HDAC9: variants seen among roughly 807,000 people sequenced by gnomAD.
The protein encoded by HDAC9 is MEF-2 interacting transcription repressor (MITR) protein.
Under a neutral mutation model 139.4 loss-of-function variants are expected in HDAC9, and 41 were observed. The observed-to-expected ratio is 0.29, with a 90% CI of 0.23 to 0.38. The LOEUF (loss-of-function observed/expected upper bound fraction) is 0.38, where lower values mean the gene tolerates loss of function less well. Among genes scored for constraint, HDAC9 ranks in the 10% least tolerant of loss-of-function variants. The pLI, the probability that HDAC9 is intolerant of heterozygous loss-of-function variation, is 1.00. For missense variants in HDAC9, 1,147 were observed against 1,297.0 expected, an observed-to-expected ratio of 0.88 and a Z score of 1.78; for synonymous variants, 517 against 476.2, an observed-to-expected ratio of 1.09 and a Z score of -1.12.
intron 15 of HDAC9, among the ~76,000 whole-genome samples, chr7:18,766,043 G>C (rs1379468959): frequency 2.6e-5 from 4 of 152,054 alleles, no homozygotes; most frequent in African/African-American, 9.7e-5. Context: ...GACAATAAAA[G>C]CTATTTAGAC....
At chr7:18,278,598 G>A (rs1310238784) in intron 2 of HDAC9, among the ~76,000 whole-genome samples, 1 of 152,120 alleles carries the variant, frequency 6.6e-6, no homozygotes, top group African/African-American at 2.4e-5. Context: ...GTTTACATAT[G>A]TCTAAATTTA....
At position 18,522,186 on chromosome 7, in the gene HDAC9, G is replaced by A. The variant is rs530915885; in HGVS notation, c.22+25862G>A. ...AAATCTGTTCATTTATAGAGAGATTGCTTCTCTGTGAATGGCTAAGTTGGC... is the reference window on the plus strand; with the variant it reads ...AAATCTGTTCATTTATAGAGAGATTACTTCTCTGTGAATGGCTAAGTTGGC... On this transcript the variant is annotated intron_variant, in intron 2 of 25. Coordinates refer to ENST00000686413, the MANE Select transcript of HDAC9 (RefSeq NM_178425.4). Among the ~76,000 whole-genome samples, 14 of 152,270 alleles carry A rather than the reference G, an allele frequency of 9.2e-5. No individual in the cohort carries two copies. In the South Asian group the frequency reaches 2.7e-3, roughly 29 times the overall value.
chr7:18,759,878 T>G lies in HDAC9; in HGVS notation c.2044-2279T>G, dbSNP rs184777529. 8.5e-5 allele frequency among the ~76,000 whole-genome samples: 13 copies of G among 152,310 alleles called. No individual in the cohort carries two copies. In the South Asian group the frequency reaches 2.7e-3, roughly 32 times the overall value. On this transcript the variant is annotated intron_variant, in intron 14 of 25. Coordinates refer to ENST00000686413, the MANE Select transcript of HDAC9 (RefSeq NM_178425.4). ...AGAGTGCATGGTATGCAAATTTACA[T>G]GACTAGTGTATGAACACATCAAGAT...
intron 1 of HDAC9, among the ~76,000 whole-genome samples, chr7:18,139,266 C>T (rs927787866): frequency 2.6e-5 from 4 of 151,856 alleles, no homozygotes; most frequent in African/African-American, 7.3e-5. Context: ...GCTGGTACTG[C>T]AGGCATGTGT....
rs1260712606 is a variant in HDAC9, at chr7:18,234,759, A to G, written c.25+72410A>G. Reference sequence around the variant, plus strand: ...AGCTGGGATATAGAGATAGTGGAACAAAATCCCTCCATTTGAGAAACCACA... The same window carrying G: ...AGCTGGGATATAGAGATAGTGGAACGAAATCCCTCCATTTGAGAAACCACA... On this transcript the variant is annotated intron_variant, in intron 2 of 12. Transcript: ENST00000417496. Among the ~76,000 whole-genome samples the G allele has an allele frequency of 8.5e-5, 13 of 152,232 alleles. 1 individual carries two copies. The highest frequency in any genetic ancestry group is 7.2e-4 in the Admixed American group (11 of 15,284).
intron 8 of HDAC9, 149 bp from the exon 9 acceptor site, chr7:18,644,522 G>C: frequency 1.9e-6 from 1 of 523,822 alleles, no homozygotes; most frequent in Non-Finnish European, 3.0e-6. Flanking sequence ...ATTTAAATTT[G>C]ACATTATAAC....
chr7:18,642,875 T>C (rs1347355048), intron 8 of HDAC9, among the ~76,000 whole-genome samples: 6 of 152,110 alleles, frequency 3.9e-5, no homozygotes, highest in Non-Finnish European at 8.8e-5. Flanking sequence ...GTGAGGTCTA[T>C]GGTATTTTTT....
rs10228641 is a variant in HDAC9 at position 18,585,178 on chromosome 7, G to A, written c.23-103G>A. 2.9e-5 allele frequency: 38 copies of A among 1,307,432 alleles called. No homozygotes were observed. In the South Asian group the frequency reaches 3.1e-4, roughly 11 times the overall value. 81.0% of individuals were successfully genotyped at this position (1,307,432 alleles called of 1,614,324 possible). On this transcript the variant is annotated intron_variant, in intron 2 of 25. Transcript: ENST00000686413. ...TAGAGTCATTGGCATAAAATTTGTT[G>A]TACAGGGTCTTATACTTTTTATTTG...
chr7:18,433,055 T>C (rs905708902), intron 1 of HDAC9, among the ~76,000 whole-genome samples: 30 of 152,024 alleles, frequency 2.0e-4, no homozygotes, highest in African/African-American at 7.3e-4. Context: ...CCTGACCAAG[T>C]AGGCTTTATC....
chr7:18,445,018 G>A (rs1180509922), intron 1 of HDAC9, among the ~76,000 whole-genome samples: 3 of 152,136 alleles, frequency 2.0e-5, no homozygotes, highest in Non-Finnish European at 4.4e-5. Flanking sequence ...CTCAAATTAT[G>A]CAAGAGCTTT....
At chr7:18,300,939 A>C (rs1421429806) in intron 1 of HDAC9, among the ~76,000 whole-genome samples, 1 of 152,168 alleles carries the variant, frequency 6.6e-6, no homozygotes, top group Non-Finnish European at 1.5e-5. Flanking sequence ...GGGAGAGCTC[A>C]CACTATTCCT....
intron 1 of HDAC9, among the ~76,000 whole-genome samples, chr7:18,337,394 T>G (rs1352626549): frequency 1.3e-5 from 2 of 151,730 alleles, no homozygotes; most frequent in African/African-American, 4.8e-5. Context: ...ACTACATGGT[T>G]TCATGATATA....
intron 22 of HDAC9, among the ~76,000 whole-genome samples, chr7:18,929,245 T>C (rs950716917): frequency 2.6e-5 from 4 of 152,140 alleles, no homozygotes; most frequent in Admixed American, 2.0e-4. Flanking sequence ...CCAACCCCTA[T>C]AAAGTATCAG....
chr7:18,791,569 A>G (rs1792312163), intron 16 of HDAC9, among the ~76,000 whole-genome samples: 1 of 152,178 alleles, frequency 6.6e-6, no homozygotes, highest in South Asian at 2.1e-4. Context: ...GTCCATTTCA[A>G]TGATTCCTTC....
chr7:18,920,867 T>C (rs1406514758), intron 22 of HDAC9, among the ~76,000 whole-genome samples: 2 of 152,088 alleles, frequency 1.3e-5, no homozygotes, highest in African/African-American at 4.8e-5. Context: ...GTGGATAAGC[T>C]TTTTGATGTG....
chr7:18,579,040 T>C (rs914908274), intron 2 of HDAC9, among the ~76,000 whole-genome samples: 1 of 152,196 alleles, frequency 6.6e-6, no homozygotes, highest in African/African-American at 2.4e-5. Flanking sequence ...ATAGAGGAGA[T>C]AGTAATCTCT....
chr7:18,090,761 G>A lies in HDAC9; in HGVS notation c.-97+3548G>A, dbSNP rs558046173. 4.6e-5 allele frequency among the ~76,000 whole-genome samples: 7 copies of A among 152,154 alleles called. No homozygotes were observed. In the South Asian group the frequency reaches 1.0e-3, roughly 23 times the overall value. On this transcript the variant is annotated intron_variant, in intron 1 of 12. Transcript: ENST00000417496. ...TCTCATCAGCTCTGCTTCTTTGGCCGAACTTACAGGTATCAAAGTGAACAG... is the reference window on the plus strand; with the variant it reads ...TCTCATCAGCTCTGCTTCTTTGGCCAAACTTACAGGTATCAAAGTGAACAG...
At chr7:18,420,515 T>C (rs1789519360) in intron 1 of HDAC9, among the ~76,000 whole-genome samples, 1 of 152,224 alleles carries the variant, frequency 6.6e-6, no homozygotes, top group African/African-American at 2.4e-5. Context: ...CAGTTTCTTC[T>C]TGATAAAGAT....
At chr7:18,252,400 T>C (rs1297295306) in intron 2 of HDAC9, among the ~76,000 whole-genome samples, 1 of 152,184 alleles carries the variant, frequency 6.6e-6, no homozygotes, top group East Asian at 1.9e-4. Context: ...TCTTAGACTT[T>C]AATGTTTTTA....
Sources: allele counts gnomAD v4.1 joint callset (sites outside exome capture counted in the v4.1 genomes callset), GRCh38; gene constraint gnomAD v4.1.1; transcripts MANE v1.5; gene names NCBI Gene and HGNC (gene_info 2026-07-23, HGNC 2026-07-21).